TAFA2: variants seen among roughly 807,000 people sequenced by gnomAD.
The protein encoded by TAFA2 is chemokine-like protein TAFA-2.
Under a neutral mutation model 18.8 loss-of-function variants are expected in TAFA2, and 7 were observed. The ratio of observed to expected loss-of-function variants is 0.37; its 90% CI spans 0.21 to 0.70. The LOEUF is 0.70. TAFA2 is among the 30% of genes least tolerant of loss of function. The pLI is 0.53. For synonymous variants in TAFA2, 60 were observed against 54.2 expected, an observed-to-expected ratio of 1.11 and a Z score of -0.47; for missense variants, 122 against 158.1, an observed-to-expected ratio of 0.77 and a Z score of 1.23.
rs138956024 is a variant in TAFA2, at chr12:62,071,449, G to T, written c.-2+119810C>A. On this transcript the variant is annotated intron_variant, in intron 1 of 4. Coordinates refer to ENST00000416284, the MANE Select transcript of TAFA2 (RefSeq NM_178539.5). ...GGAAGCTTTGAGGGAGTTCAAGCAG[G>T]AGAGCAACATGGTCTCATTCGCACT... is the stretch of plus-strand genomic sequence containing the variant. Among the ~76,000 whole-genome samples the T allele has an allele frequency of 3.4e-3, 520 of 152,208 alleles. 2 individuals are homozygous for T. Among genetic ancestry groups the T allele is most frequent in the African/African-American group, 0.012 (485 of 41,518 alleles).
At chr12:61,841,943 GA>G (rs1873202738) in intron 2 of TAFA2, among the ~76,000 whole-genome samples, 1 of 152,024 alleles carries the variant, frequency 6.6e-6, no homozygotes, top group African/African-American at 2.4e-5. Context: ...AGAAGATGGA[GA>G]AAGATGGAAG....
intron 1 of TAFA2, among the ~76,000 whole-genome samples, chr12:62,144,126 G>C (rs1480694352): frequency 1.3e-5 from 2 of 150,360 alleles, no homozygotes; most frequent in East Asian, 3.9e-4. Flanking sequence ...TTCTCTGCAG[G>C]AAACAAATGG....
At chr12:62,252,036 T>C (rs1186193145) in intron 1 of TAFA2, 2 of 152,210 alleles carry the variant, frequency 1.3e-5, no homozygotes, top group South Asian at 2.1e-4. Flanking sequence ...ATAGATTCCA[T>C]TGCAAAGACC....
chr12:62,174,810 T>C (rs1357586902), intron 1 of TAFA2, among the ~76,000 whole-genome samples: 1 of 152,228 alleles, frequency 6.6e-6, no homozygotes, highest in African/African-American at 2.4e-5. Context: ...TCTCCTTATA[T>C]AACTGTCCAC....
intron 1 of TAFA2, among the ~76,000 whole-genome samples, chr12:61,924,464 A>C (rs554259733): frequency 1.8e-4 from 28 of 152,298 alleles, no homozygotes; most frequent in African/African-American, 6.7e-4. Flanking sequence ...AATTTTCAAC[A>C]CATAATTTCA....
chr12:61,922,328 C>G (rs1044808530), intron 1 of TAFA2, among the ~76,000 whole-genome samples: 1 of 151,364 alleles, frequency 6.6e-6, no homozygotes, highest in South Asian at 2.1e-4. Context: ...TGAATAGGAA[C>G]AGCTCCGGTC....
At chr12:61,715,065 C>A (rs1269938152) in intron 4 of TAFA2, among the ~76,000 whole-genome samples, 2 of 152,040 alleles carry the variant, frequency 1.3e-5, no homozygotes, top group East Asian at 3.8e-4. Flanking sequence ...AGTGCTTGTC[C>A]CATTAAATGG....
intron 1 of TAFA2, among the ~76,000 whole-genome samples, chr12:62,182,501 G>A (rs920879878): frequency 2.0e-5 from 3 of 152,118 alleles, no homozygotes; most frequent in Non-Finnish European, 4.4e-5. Flanking sequence ...CATAGTCCAC[G>A]GGCCAACAGT....
At chr12:62,029,039 T>C (rs1881381767) in intron 1 of TAFA2, among the ~76,000 whole-genome samples, 2 of 152,166 alleles carry the variant, frequency 1.3e-5, no homozygotes, top group Non-Finnish European at 2.9e-5. Context: ...TATAAAGAGA[T>C]TTTTTAACTG....
At chr12:61,711,300 G>T (rs943007140) in intron 4 of TAFA2, among the ~76,000 whole-genome samples, 2 of 151,680 alleles carry the variant, frequency 1.3e-5, no homozygotes, top group East Asian at 1.9e-4. Context: ...GAGAGAGAGA[G>T]AGGATAGAGG....
chr12:61,818,679 C>T, intron 2 of TAFA2, among the ~76,000 whole-genome samples: 1 of 152,112 alleles, frequency 6.6e-6, no homozygotes, highest in East Asian at 1.9e-4. Context: ...AGTTCCAACT[C>T]ACAAAACCCA....
chr12:61,739,588 C>T (rs540741937), intron 4 of TAFA2, among the ~76,000 whole-genome samples: 1 of 151,906 alleles, frequency 6.6e-6, no homozygotes, highest in East Asian at 1.9e-4. Flanking sequence ...GTAGGTACAA[C>T]GTGAATTATT....
intron 1 of TAFA2, among the ~76,000 whole-genome samples, chr12:61,930,588 C>A (rs1877514410): frequency 6.6e-6 from 1 of 152,218 alleles, no homozygotes; most frequent in Non-Finnish European, 1.5e-5. Context: ...AGATTCAAAG[C>A]TGCTGACCCT....
chr12:61,761,205 A>G (rs1190537400), intron 2 of TAFA2, among the ~76,000 whole-genome samples: 1 of 152,090 alleles, frequency 6.6e-6, no homozygotes, highest in Admixed American at 6.6e-5. Context: ...TAGGCATTTT[A>G]CCAAAACCTC....
chr12:62,250,247 A>C (rs1237217786), intron 1 of TAFA2, among the ~76,000 whole-genome samples: 1 of 152,216 alleles, frequency 6.6e-6, no homozygotes, highest in Non-Finnish European at 1.5e-5. Flanking sequence ...CACTTTGAAG[A>C]TGATATTCTG....
At chr12:62,034,802 AG>A (rs1246346364) in intron 1 of TAFA2, among the ~76,000 whole-genome samples, 1 of 152,220 alleles carries the variant, frequency 6.6e-6, no homozygotes, top group East Asian at 1.9e-4. Flanking sequence ...AATCCAGTTC[AG>A]CATCAATATA....
At chr12:61,949,991 T>G (rs1046035876) in intron 1 of TAFA2, among the ~76,000 whole-genome samples, 5 of 152,176 alleles carry the variant, frequency 3.3e-5, no homozygotes, top group African/African-American at 1.2e-4. Context: ...CAACTTTGGA[T>G]ACTTCATATA....
chr12:61,719,953 C>G (rs1307187952), intron 4 of TAFA2, among the ~76,000 whole-genome samples: 1 of 152,068 alleles, frequency 6.6e-6, no homozygotes, highest in Non-Finnish European at 1.5e-5. Flanking sequence ...TAAAAATCCC[C>G]TTCTGTAAAT....
chr12:61,735,885 G>A (rs1464305153), intron 4 of TAFA2, among the ~76,000 whole-genome samples: 2 of 151,874 alleles, frequency 1.3e-5, no homozygotes, highest in Non-Finnish European at 2.9e-5. Flanking sequence ...TGTGAGACTG[G>A]GGCCATAATC....
Sources: allele counts gnomAD v4.1 joint callset (sites outside exome capture counted in the v4.1 genomes callset), GRCh38; gene constraint gnomAD v4.1.1; transcripts MANE v1.5; gene names NCBI Gene and HGNC (gene_info 2026-07-23, HGNC 2026-07-21).